PRKN: variants seen among roughly 807,000 people sequenced by gnomAD.
The protein encoded by PRKN is E3 ubiquitin-protein ligase parkin.
In PRKN, 56 loss-of-function variants were observed where a neutral mutation model predicts 59.5. That is an observed-to-expected ratio of 0.94 (90% CI 0.76 to 1.18). The LOEUF (loss-of-function observed/expected upper bound fraction) is 1.18. Ranked by LOEUF, PRKN falls within the 50% of genes most tolerant of loss-of-function variation. PRKN has a pLI of 0.00. For missense variants in PRKN, 657 were observed against 596.4 expected (o/e 1.10, Z -1.06); for synonymous variants, 250 against 222.1 (o/e 1.13, Z -1.12).
intron 3 of PRKN, 137 bp downstream of exon 3, chr6:162,262,388 T>C (rs1402653890): frequency 1.0e-6 from 1 of 969,546 alleles, no homozygotes; most frequent in Admixed American, 1.7e-5. Flanking sequence ...TACAGTGATG[T>C]CTCCTTGTAG....
chr6:162,645,882 T>C (rs1472765793), intron 1 of PRKN, among the ~76,000 whole-genome samples: 1 of 147,022 alleles, frequency 6.8e-6, no homozygotes, highest in Non-Finnish European at 1.5e-5. Context: ...TTTTTTTTTT[T>C]TTTTTTTTTT....
At chr6:161,532,947 G>A (rs1779278878) in intron 9 of PRKN, among the ~76,000 whole-genome samples, 1 of 152,170 alleles carries the variant, frequency 6.6e-6, no homozygotes, top group Non-Finnish European at 1.5e-5. Context: ...GGATACCATG[G>A]TGGATGCTGA....
chr6:162,488,032 T>C (rs937428337), intron 1 of PRKN, among the ~76,000 whole-genome samples: 10 of 130,646 alleles, frequency 7.7e-5, no homozygotes, highest in African/African-American at 2.4e-4. Context: ...TTTCCCTTTT[T>C]TTTTTTTTTT....
At chr6:162,604,202 G>C (rs1253549340) in intron 1 of PRKN, among the ~76,000 whole-genome samples, 1 of 152,158 alleles carries the variant, frequency 6.6e-6, no homozygotes, top group Non-Finnish European at 1.5e-5. Context: ...TCATAAATCA[G>C]GGCAAGAAAT....
At chr6:161,370,745 C>G (rs1785412001) in intron 10 of PRKN, among the ~76,000 whole-genome samples, 1 of 152,154 alleles carries the variant, frequency 6.6e-6, no homozygotes, top group African/African-American at 2.4e-5. Flanking sequence ...TTAGACAAGT[C>G]TATTCTAATC....
intron 7 of PRKN, among the ~76,000 whole-genome samples, chr6:161,742,501 C>T (rs571617687): frequency 5.2e-4 from 79 of 152,302 alleles, no homozygotes; most frequent in African/African-American, 1.9e-3. Flanking sequence ...CTTCATGACG[C>T]TTTCAAAACA....
chr6:161,380,636 T>G (rs1785932464), intron 10 of PRKN, among the ~76,000 whole-genome samples: 1 of 152,130 alleles, frequency 6.6e-6, no homozygotes, highest in Non-Finnish European at 1.5e-5. Flanking sequence ...TTCTTCTTCC[T>G]TCTTTCCACT....
At chr6:162,436,176 C>CAAAAA (rs35792526) in intron 2 of PRKN, among the ~76,000 whole-genome samples, 6 of 54,704 alleles carry the variant, frequency 1.1e-4, no homozygotes, top group African/African-American at 3.3e-4. Context: ...ACTCCATCTC[C>CAAAAA]AAAAAAAAAA....
chr6:161,570,000 G>A (rs1583240673), intron 7 of PRKN, among the ~76,000 whole-genome samples: 1 of 151,406 alleles, frequency 6.6e-6, no homozygotes, highest in African/African-American at 2.4e-5. Context: ...TCTTACGGAA[G>A]GACCAAGAGA....
At chr6:161,746,650 C>T (rs1470993984) in intron 7 of PRKN, among the ~76,000 whole-genome samples, 3 of 141,614 alleles carry the variant, frequency 2.1e-5, no homozygotes, top group African/African-American at 7.8e-5. Context: ...ATGTATATAT[C>T]TATATAGATA....
intron 2 of PRKN, among the ~76,000 whole-genome samples, chr6:162,360,054 G>C (rs528892194): frequency 6.6e-6 from 1 of 151,480 alleles, no homozygotes; most frequent in Non-Finnish European, 1.5e-5. Flanking sequence ...ACTAAAATAC[G>C]GCAAAATATA....
At chr6:161,696,582 T>C (rs997127799) in intron 7 of PRKN, among the ~76,000 whole-genome samples, 4 of 152,160 alleles carry the variant, frequency 2.6e-5, no homozygotes, top group African/African-American at 7.2e-5. Flanking sequence ...GAGGCTAACG[T>C]TGGTCTTTCT....
chr6:161,756,648 A>G (rs527859010), intron 7 of PRKN, among the ~76,000 whole-genome samples: 7 of 150,660 alleles, frequency 4.6e-5, no homozygotes, highest in African/African-American at 9.8e-5. Flanking sequence ...TCTTTTTTTT[A>G]AATAGAGATT....
At chr6:161,535,971 T>C (rs1779399556) in intron 9 of PRKN, among the ~76,000 whole-genome samples, 2 of 150,636 alleles carry the variant, frequency 1.3e-5, no homozygotes, top group Admixed American at 6.6e-5. Context: ...TTTTTTTTTA[T>C]TGCTGATTAC....
At chr6:161,874,240 A>AATATATTATATATT (rs1794527610) in intron 6 of PRKN, among the ~76,000 whole-genome samples, 1 of 15,084 alleles carries the variant, frequency 6.6e-5, no homozygotes, top group African/African-American at 1.8e-4. Flanking sequence ...TATAATATAT[A>AATATATTATATATT]ATATATAATA....
At chr6:161,510,633 G>A (rs1778349809) in intron 9 of PRKN, among the ~76,000 whole-genome samples, 1 of 152,326 alleles carries the variant, frequency 6.6e-6, no homozygotes, top group East Asian at 1.9e-4. Flanking sequence ...TAATTACACA[G>A]CAAAGCTATT....
chr6:161,995,471 C>A (rs892459388), intron 5 of PRKN, among the ~76,000 whole-genome samples: 2 of 151,988 alleles, frequency 1.3e-5, no homozygotes, highest in African/African-American at 4.8e-5. Context: ...ACAGAAACAA[C>A]CTGTAGAATG....
At chr6:161,831,966 G>A (rs1583220223) in intron 6 of PRKN, among the ~76,000 whole-genome samples, 1 of 152,286 alleles carries the variant, frequency 6.6e-6, no homozygotes, top group Admixed American at 6.5e-5. Context: ...CCTCAGGAAG[G>A]CCCCCACGCT....
At position 161,525,149 on chromosome 6, in the gene PRKN, G is replaced by GTA. The variant is rs1778972985; in HGVS notation, c.1083+23704_1083+23705insTA. Among the ~76,000 whole-genome samples the GTA allele has an allele frequency of 2.6e-5, 4 of 151,844 alleles. No homozygotes were observed. In the South Asian group the frequency reaches 8.3e-4, roughly 32 times the overall value. ...CTAAAAGGTGTGTGTGTGTGTGTGTGTGTATGTGTGTGTGAGTAGGGTTCT... is the reference window on the plus strand; with the variant it reads ...CTAAAAGGTGTGTGTGTGTGTGTGTGTATGTATGTGTGTGTGAGTAGGGTTCT... On this transcript the variant is annotated intron_variant, in intron 9 of 11. Coordinates refer to ENST00000366898, the MANE Select transcript of PRKN (RefSeq NM_004562.3). The surrounding 1 kb of genome is among the most constrained non-coding windows in gnomAD (Gnocchi z 4.7).
Sources: gnomAD v4.1 joint callset for allele counts (sites outside exome capture counted in the v4.1 genomes callset) on GRCh38, gnomAD v4.1.1 for gene constraint, Gnocchi (gnomAD v3.1) non-coding constraint, MANE v1.5 for transcripts, NCBI Gene and HGNC (gene_info 2026-07-23, HGNC 2026-07-21) for gene names.